RIMS2: variants seen among roughly 807,000 people sequenced by gnomAD.
RIMS2 encodes the protein regulating synaptic membrane exocytosis protein 2.
RIMS2 carries 59 observed loss-of-function variants against 174.4 expected under a neutral mutation model. The ratio of observed to expected loss-of-function variants is 0.34; its 90% confidence interval spans 0.27 to 0.42. RIMS2 has a LOEUF of 0.42. Ranked by LOEUF, RIMS2 falls within the 10% of genes least tolerant of loss-of-function variation. RIMS2 has a pLI of 1.00. For missense variants in RIMS2, 1,620 were observed against 1,666.3 expected (o/e 0.97, Z 0.48); for synonymous variants, 606 against 572.5 (o/e 1.06, Z -0.84).
At chr8:103,547,828 A>G (rs989553728) in intron 1 of RIMS2, among the ~76,000 whole-genome samples, 1 of 152,194 alleles carries the variant, frequency 6.6e-6, no homozygotes, top group African/African-American at 2.4e-5. Flanking sequence ...CAAAGCACAT[A>G]TTACCACTGA....
intron 2 of RIMS2, among the ~76,000 whole-genome samples, chr8:103,744,031 G>A (rs2097784616): frequency 6.6e-6 from 1 of 152,012 alleles, no homozygotes; most frequent in South Asian, 2.1e-4. Context: ...TAGTTGTGTA[G>A]GATTTTTTGT....
chr8:104,039,586 T>C (rs1316239453), intron 19 of RIMS2, among the ~76,000 whole-genome samples: 1 of 151,788 alleles, frequency 6.6e-6, no homozygotes, highest in African/African-American at 2.4e-5. Context: ...AGATGGAATA[T>C]ATGGAAGCCA....
intron 19 of RIMS2, among the ~76,000 whole-genome samples, chr8:104,176,751 AACAT>A (rs1469769480): frequency 1.3e-5 from 2 of 151,672 alleles, no homozygotes; most frequent in Admixed American, 1.3e-4. Flanking sequence ...GAAAAAATGA[AACAT>A]AAATAATTGA....
chr8:103,616,214 A>G (rs1185635332), intron 1 of RIMS2, among the ~76,000 whole-genome samples: 1 of 152,362 alleles, frequency 6.6e-6, no homozygotes, highest in East Asian at 1.9e-4. Context: ...TTGGTTCAAT[A>G]TGTAAAAATC....
chr8:103,513,000 TTAAAATGTTGTGTTAAC>T (rs1435103734), intron 1 of RIMS2, among the ~76,000 whole-genome samples: 1 of 152,178 alleles, frequency 6.6e-6, no homozygotes, highest in Admixed American at 6.5e-5. Context: ...TTTTGCATTT[TTAAAATGTTGTGTTAAC>T]TAATTCTTAT....
At chr8:103,709,512 A>G (rs1196643912) in intron 2 of RIMS2, among the ~76,000 whole-genome samples, 5 of 151,956 alleles carry the variant, frequency 3.3e-5, no homozygotes, top group African/African-American at 4.8e-5. Context: ...ACATTCTTTG[A>G]GGGTTTGTTA....
chr8:104,233,801 C>T (rs540861030), intron 19 of RIMS2, among the ~76,000 whole-genome samples: 1 of 152,328 alleles, frequency 6.6e-6, no homozygotes, highest in East Asian at 1.9e-4. Flanking sequence ...GTGTGAGTCT[C>T]TTCAGCCAAA....
chr8:104,103,208 CT>C (rs1278074283), intron 19 of RIMS2, among the ~76,000 whole-genome samples: 2 of 151,870 alleles, frequency 1.3e-5, no homozygotes, highest in Non-Finnish European at 2.9e-5. Flanking sequence ...AAGTAGATTA[CT>C]TGTTGCCAGG....
At chr8:103,894,156 C>T (rs1219830151) in intron 4 of RIMS2, among the ~76,000 whole-genome samples, 1 of 150,670 alleles carries the variant, frequency 6.6e-6, no homozygotes, top group African/African-American at 2.5e-5. Flanking sequence ...AAAAAAATAA[C>T]TATTTTAAGA....
At chr8:104,017,892 A>G (rs764924648) in intron 19 of RIMS2, among the ~76,000 whole-genome samples, 10 of 151,952 alleles carry the variant, frequency 6.6e-5, no homozygotes, top group Non-Finnish European at 1.2e-4. Context: ...CCTCGGTAAC[A>G]TGGTGAAACC....
intron 1 of RIMS2, among the ~76,000 whole-genome samples, chr8:103,599,395 A>G (rs1040302185): frequency 2.7e-5 from 4 of 147,884 alleles, no homozygotes; most frequent in African/African-American, 7.4e-5. Flanking sequence ...TTTTTATTAT[A>G]TATAATGTAT....
At chr8:103,921,727 T>C in exon 10 of RIMS2, 2 of 1,579,862 alleles carry the variant, frequency 1.3e-6, no homozygotes, top group Non-Finnish European at 1.7e-6. Flanking sequence ...CTGTTACCTC[T>C]CCCATGAGTC....
intron 3 of RIMS2, among the ~76,000 whole-genome samples, chr8:103,867,980 A>T (rs1281835568): frequency 6.6e-6 from 1 of 152,042 alleles, no homozygotes; most frequent in Admixed American, 6.5e-5. Context: ...TATAATTTTA[A>T]GCCCATTATG....
chr8:103,757,818 T>A (rs1400921096), intron 2 of RIMS2, among the ~76,000 whole-genome samples: 2 of 152,144 alleles, frequency 1.3e-5, no homozygotes. Context: ...AGTTCGAAGA[T>A]GCTGTTTTTG....
chr8:103,975,664 C>T, intron 16 of RIMS2, 158 bp downstream of exon 18: 1 of 533,798 alleles, frequency 1.9e-6, no homozygotes, highest in South Asian at 3.0e-5. Flanking sequence ...AGAATTTCTG[C>T]AAGCTGGGGA....
chr8:103,937,106 AAT>A, intron 13 of RIMS2, among the ~76,000 whole-genome samples: 1 of 149,580 alleles, frequency 6.7e-6, no homozygotes, highest in African/African-American at 2.4e-5. Flanking sequence ...TCAAAAAAAA[AAT>A]AATTAAAGAT....
intron 17 of RIMS2, among the ~76,000 whole-genome samples, chr8:104,010,385 T>C (rs2095718249): frequency 6.6e-6 from 1 of 152,186 alleles, no homozygotes; most frequent in Non-Finnish European, 1.5e-5. Context: ...GATTGCTGTT[T>C]AAGACAAAGG....
At chr8:103,850,457 T>C (rs2098991587) in intron 3 of RIMS2, among the ~76,000 whole-genome samples, 1 of 152,010 alleles carries the variant, frequency 6.6e-6, no homozygotes, top group Admixed American at 6.6e-5. Flanking sequence ...CTGTGCTGTT[T>C]GGAGTCCTGT....
chr8:103,787,849 A>C (rs986695308), intron 3 of RIMS2, among the ~76,000 whole-genome samples: 1 of 151,942 alleles, frequency 6.6e-6, no homozygotes, highest in African/African-American at 2.4e-5. Flanking sequence ...TCTCCTGGAT[A>C]ATATCCTGCA....
Sources: gnomAD v4.1 joint callset for allele counts (sites outside exome capture counted in the v4.1 genomes callset) on GRCh38, gnomAD v4.1.1 for gene constraint, MANE v1.5 for transcripts, NCBI Gene and HGNC (gene_info 2026-07-23, HGNC 2026-07-21) for gene names.